Variants in DGKH observed in about 807,000 individuals in gnomAD.
DGKH encodes the protein DAG kinase eta.
A neutral mutation model predicts 159.3 loss-of-function variants in DGKH; 90 were observed. The ratio of observed to expected loss-of-function variants is 0.57; its 90% CI spans 0.48 to 0.67. The LOEUF (loss-of-function observed/expected upper bound fraction) is 0.67, where lower values mean the gene tolerates loss of function less well. DGKH is among the 30% of genes least tolerant of loss of function. The pLI is 0.00. For synonymous variants in DGKH, 536 were observed against 553.8 expected (o/e 0.97, Z 0.45); for missense variants, 1,181 against 1,506.1 (o/e 0.78, Z 3.57).
intron 1 of DGKH, among the ~76,000 whole-genome samples, chr13:42,108,519 A>G (rs1157013777): frequency 1.3e-5 from 2 of 152,166 alleles, no homozygotes; most frequent in African/African-American, 4.8e-5. Context: ...CAATTTTGGA[A>G]TTAGAATCTA....
chr13:42,100,986 T>G (rs1954641639), intron 1 of DGKH, among the ~76,000 whole-genome samples: 1 of 152,244 alleles, frequency 6.6e-6, no homozygotes. Flanking sequence ...GAATCTTTTT[T>G]GCTCTCAGAT....
chr13:42,177,855 T>C (rs540337888), intron 12 of DGKH, among the ~76,000 whole-genome samples: 1 of 152,342 alleles, frequency 6.6e-6, no homozygotes, highest in Admixed American at 6.5e-5. Context: ...TGTACTACTT[T>C]GTAGGAATTA....
At chr13:42,229,011 T>C in intron 29 of DGKH, 88 bp from the exon 30 acceptor site, 1 of 1,143,676 alleles carries the variant, frequency 8.7e-7, no homozygotes, top group African/African-American at 1.6e-5. Flanking sequence ...ATAAACTTTT[T>C]TCCTTTTCTT....
At position 42,231,807 on chromosome 13, in the gene DGKH, A is replaced by G. The variant is rs1958302520; in HGVS notation, c.*2619A>G. The G allele has an allele frequency of 6.6e-6, 1 of 152,184 alleles. No homozygotes were observed. Among genetic ancestry groups the G allele is most frequent in the South Asian group, 2.1e-4 (1 of 4,822 alleles). 9.4% of individuals were successfully genotyped at this position (152,184 alleles called of 1,614,324 possible). A position where few individuals can be genotyped will look rare whatever the true frequency, so the allele number is the denominator to read the frequency against. On this transcript the variant is annotated 3_prime_UTR_variant, in exon 30 of 30. Coordinates refer to ENST00000337343, the MANE Select transcript of DGKH (RefSeq NM_178009.5). ...AAAGTCTCAGTTAATGGAATCCTACAGTGCATTTCTGGCTAGCTCGGTTGG... is the reference window on the plus strand; with the variant it reads ...AAAGTCTCAGTTAATGGAATCCTACGGTGCATTTCTGGCTAGCTCGGTTGG...
intron 3 of DGKH, among the ~76,000 whole-genome samples, chr13:42,140,194 A>G (rs536815002): frequency 3.5e-4 from 53 of 152,204 alleles, no homozygotes; most frequent in Non-Finnish European, 5.7e-4. Flanking sequence ...GGTGGCCTTT[A>G]GCCTTTGGCA....
At position 42,251,817 on chromosome 13, in the gene DGKH, G is replaced by T. The variant is rs568175294; in HGVS notation, n.4055-592G>T. Reference sequence around the variant, plus strand: ...TTTTCATCTCTATTCCCATTACAGCGTGTTCCCATTACATACCCCCCACTA... The same window carrying T: ...TTTTCATCTCTATTCCCATTACAGCTTGTTCCCATTACATACCCCCCACTA... On this transcript the variant is annotated intron_variant and non_coding_transcript_variant, in intron 29 of 30. Coordinates refer to the DGKH transcript ENST00000498255. Among the ~76,000 whole-genome samples, 11 of 152,162 alleles carry T rather than the reference G, an allele frequency of 7.2e-5. No individual in the cohort carries two copies. In the East Asian group the frequency reaches 2.1e-3, roughly 29 times the overall value.
intron 12 of DGKH, among the ~76,000 whole-genome samples, chr13:42,177,616 C>T (rs12585055): frequency 0.22 from 33,152 of 152,102 alleles, 4,348 homozygotes; most frequent in Admixed American, 0.29. Flanking sequence ...CCATCAGCAG[C>T]GTTTGAGAAT....
chr13:42,169,875 A>G (rs556030760), intron 11 of DGKH, among the ~76,000 whole-genome samples: 29 of 152,334 alleles, frequency 1.9e-4, no homozygotes, highest in Non-Finnish European at 2.4e-4. Flanking sequence ...TACTGGGTTC[A>G]GCCTCCATCC....
At chr13:42,109,898 A>G (rs563136017) in intron 1 of DGKH, among the ~76,000 whole-genome samples, 1 of 152,318 alleles carries the variant, frequency 6.6e-6, no homozygotes, top group Admixed American at 6.5e-5. Flanking sequence ...CTGGTCCATC[A>G]AAATCATCAT....
At chr13:42,200,934 C>A (rs1957332177) in intron 20 of DGKH, among the ~76,000 whole-genome samples, 1 of 152,134 alleles carries the variant, frequency 6.6e-6, no homozygotes, top group African/African-American at 2.4e-5. Context: ...CTCTCCTAAT[C>A]ATGTAATCAT....
chr13:42,144,222 C>A (rs531067819), intron 3 of DGKH, among the ~76,000 whole-genome samples: 4 of 152,276 alleles, frequency 2.6e-5, no homozygotes, highest in African/African-American at 9.6e-5. Context: ...AGTTTCTTAA[C>A]TATACCTGTT....
In DGKH at chr13:42,177,081, C is replaced by T. The variant is rs911120657; in HGVS notation, c.1453-1054C>T. Among the ~76,000 whole-genome samples the T allele has an allele frequency of 1.2e-4, 18 of 152,102 alleles. 1 individual carries two copies. The highest frequency in any genetic ancestry group is 2.1e-4 in the South Asian group (1 of 4,810). On this transcript the variant is annotated intron_variant, in intron 12 of 29. Coordinates refer to ENST00000337343, the MANE Select transcript of DGKH (RefSeq NM_178009.5). ...TGAATTATACATACAGAAGAGTGCA[C>T]AGGTCATAAATGTATAGCTTGGTAA...
chr13:42,069,835 G>C lies in DGKH; in HGVS notation c.192+20870G>C, dbSNP rs139417408. ...TGGGTACTGCCAACAAGGCTCAGCA[G>C]AGTAATTGGTATGGAAAGCAGGATC... On this transcript the variant is annotated intron_variant, in intron 1 of 29. Transcript: ENST00000337343. 2.9e-4 allele frequency: 266 copies of C among 905,544 alleles called. 1 individual carries two copies. The highest frequency in any genetic ancestry group is 3.9e-4 in the Non-Finnish European group (230 of 583,196). The allele number at this position is 905,544 out of a possible 1,614,324, so 56.1% of individuals were successfully genotyped here. A position where few individuals can be genotyped will look rare whatever the true frequency, so the allele number is the denominator to read the frequency against.
chr13:42,082,182 G>A (rs534428264), intron 1 of DGKH, among the ~76,000 whole-genome samples: 1 of 151,778 alleles, frequency 6.6e-6, no homozygotes, highest in Non-Finnish European at 1.5e-5. Context: ...ACTGGCTCAT[G>A]AGGAGACCTG....
chr13:42,143,109 G>C (rs558107600), intron 3 of DGKH, among the ~76,000 whole-genome samples: 37 of 64,672 alleles, frequency 5.7e-4, no homozygotes, highest in South Asian at 9.4e-4. Context: ...TAGCATGAAG[G>C]GTTGTTGAAT....
chr13:42,184,386 A>G (rs1369884126), intron 13 of DGKH, among the ~76,000 whole-genome samples: 2 of 152,168 alleles, frequency 1.3e-5, no homozygotes, highest in South Asian at 2.1e-4. Context: ...GGGTACTAAT[A>G]CTAGTGATGA....
intron 1 of DGKH, among the ~76,000 whole-genome samples, chr13:42,071,500 C>T (rs1011530360): frequency 2.0e-5 from 3 of 152,236 alleles, no homozygotes; most frequent in Non-Finnish European, 4.4e-5. Flanking sequence ...GAACATTCTC[C>T]TCACAGTGCA....
intron 7 of DGKH, among the ~76,000 whole-genome samples, chr13:42,162,787 A>G (rs1228232458): frequency 6.6e-6 from 1 of 152,022 alleles, no homozygotes; most frequent in East Asian, 1.9e-4. Flanking sequence ...TTGGGCAACA[A>G]GAGTGAAACT....
Position 42,141,029 on chromosome 13 carries a change from C to CATTAACTCGTCATTTACATTAAGTATA in DGKH, c.384+11397_384+11398insATTAACTCGTCATTTACATTAAGTATA. On this transcript the variant is annotated intron_variant, in intron 3 of 29. Coordinates refer to ENST00000337343, the MANE Select transcript of DGKH (RefSeq NM_178009.5). ...ATGTGCCATGTTGGTGTGCTGAACC[C>CATTAACTCGTCATTTACATTAAGTATA]TCCTAATGCTATCCCTCCCCCCTCC... Among the ~76,000 whole-genome samples the CATTAACTCGTCATTTACATTAAGTATA allele has an allele frequency of 3.8e-5, 2 of 52,152 alleles. 1 individual carries two copies. The highest frequency in any genetic ancestry group is 9.1e-5 in the Non-Finnish European group (2 of 21,948). The allele number at this position is 52,152 out of a possible 152,430, so 34.2% of individuals were successfully genotyped here.
Sources: gnomAD v4.1 joint callset for allele counts (sites outside exome capture counted in the v4.1 genomes callset) on GRCh38, gnomAD v4.1.1 for gene constraint, MANE v1.5 for transcripts, NCBI Gene and HGNC (gene_info 2026-07-23, HGNC 2026-07-21) for gene names.